Variants in PHF21B observed in about 807,000 individuals in gnomAD.
PHF21B encodes the protein PHD finger protein 4.
In PHF21B, 22 loss-of-function variants were observed where a neutral mutation model predicts 62.2. The ratio of observed to expected loss-of-function variants is 0.35; its 90% CI spans 0.25 to 0.51. PHF21B has a LOEUF of 0.51. Among genes scored for constraint, PHF21B ranks in the 20% least tolerant of loss-of-function variants. The pLI is 0.97. For missense variants in PHF21B, 701 were observed against 707.9 expected (o/e 0.99, Z 0.11); for synonymous variants, 341 against 314.7 (o/e 1.08, Z -0.88).
At chr22:44,982,309 G>C (rs1451777957) in intron 2 of PHF21B, among the ~76,000 whole-genome samples, 1 of 152,250 alleles carries the variant, frequency 6.6e-6, no homozygotes, top group African/African-American at 2.4e-5. Context: ...CTGGGGCAGG[G>C]AGAGAGAAGA....
chr22:45,008,399 A>AG, intron 2 of PHF21B, 146 bp downstream of exon 2: 2 of 643,834 alleles, frequency 3.1e-6, no homozygotes, highest in Non-Finnish European at 2.2e-6. Context: ...AGGAAAGGGG[A>AG]GGGGTGGGGA....
intron 2 of PHF21B, among the ~76,000 whole-genome samples, chr22:44,982,399 G>A (rs2072859377): frequency 1.3e-5 from 2 of 152,204 alleles, no homozygotes; most frequent in Non-Finnish European, 2.9e-5. Flanking sequence ...ACCCTGGGGA[G>A]CTGGCACTAC....
intron 2 of PHF21B, among the ~76,000 whole-genome samples, chr22:44,958,379 A>T (rs2072345539): frequency 6.6e-6 from 1 of 151,706 alleles, no homozygotes; most frequent in Admixed American, 6.6e-5. Context: ...TGTGCTGAGA[A>T]CTCCGAGAGC....
chr22:44,984,212 TCACCACCACCATCAC>T (rs2072904274), intron 2 of PHF21B, among the ~76,000 whole-genome samples: 3 of 18,388 alleles, frequency 1.6e-4, no homozygotes, highest in African/African-American at 3.8e-4. Flanking sequence ...ACCACCATCA[TCACCACCACCATCAC>T]CATCACCACC....
chr22:44,933,331 G>A (rs993026683), intron 2 of PHF21B: 4 of 443,486 alleles, frequency 9.0e-6, no homozygotes, highest in South Asian at 1.9e-4. Context: ...GGCTGGTCTC[G>A]AACTCCCGCC....
chr22:44,918,532 C>T (rs5766186), intron 3 of PHF21B, among the ~76,000 whole-genome samples: 32,617 of 152,194 alleles, frequency 0.21, 4,148 homozygotes, highest in East Asian at 0.65. Flanking sequence ...CCCGGGTCCA[C>T]CCTGTCCCCA....
intron 5 of PHF21B, among the ~76,000 whole-genome samples, chr22:44,908,710 C>T (rs1190892830): frequency 6.6e-6 from 1 of 152,190 alleles, no homozygotes; most frequent in South Asian, 2.1e-4. Context: ...TACTGCTGTC[C>T]GGTTTCTAGG....
intron 2 of PHF21B, among the ~76,000 whole-genome samples, chr22:44,972,508 C>T (rs1444122091): frequency 1.3e-5 from 2 of 152,088 alleles, no homozygotes; most frequent in South Asian, 2.1e-4. Flanking sequence ...ATGAGGAAGC[C>T]GGAAACCGAG....
chr22:44,916,772 G>A lies in PHF21B; in HGVS notation c.214-142C>T, dbSNP rs2071443536. ...GCACAGCGCCTGTCACGGCCTCACA[G>A]CAGGTGAGACCTCGACCCCAATGCC... On this transcript the variant is annotated intron_variant, in intron 3 of 12. Transcript: ENST00000313237. 65 of 799,298 alleles carry A rather than the reference G, an allele frequency of 8.1e-5. 1 individual carries two copies. In the South Asian group the frequency reaches 9.9e-4, roughly 12 times the overall value. 49.5% of individuals were successfully genotyped at this position (799,298 alleles called of 1,614,324 possible). A position where few individuals can be genotyped will look rare whatever the true frequency, so the allele number is the denominator to read the frequency against.
intron 2 of PHF21B, among the ~76,000 whole-genome samples, chr22:45,004,125 T>C (rs2073270250): frequency 6.6e-6 from 1 of 152,156 alleles, no homozygotes; most frequent in Admixed American, 6.5e-5. Flanking sequence ...GGGTTTCTTT[T>C]ATAGGCGACA....
intron 5 of PHF21B, among the ~76,000 whole-genome samples, chr22:44,908,255 G>A (rs938013470): frequency 2.0e-5 from 3 of 152,136 alleles, no homozygotes; most frequent in African/African-American, 7.2e-5. Flanking sequence ...CACCTCTGAG[G>A]ATCAGTGCCT....
intron 5 of PHF21B, among the ~76,000 whole-genome samples, chr22:44,901,205 T>C (rs2147273109): frequency 6.6e-6 from 1 of 152,306 alleles, no homozygotes; most frequent in Middle Eastern, 3.4e-3. Context: ...GGACCCTGTG[T>C]CTAACTAACT....
chr22:44,907,419 T>C (rs1366484283), intron 5 of PHF21B, among the ~76,000 whole-genome samples: 3 of 152,192 alleles, frequency 2.0e-5, no homozygotes, highest in Non-Finnish European at 2.9e-5. Context: ...TCTGTGTGCT[T>C]GTGTGGGGTG....
intron 2 of PHF21B, among the ~76,000 whole-genome samples, chr22:44,937,836 C>T (rs940104767): frequency 2.0e-5 from 3 of 152,342 alleles, no homozygotes; most frequent in Non-Finnish European, 2.9e-5. Flanking sequence ...ACACAAAGGC[C>T]GCAGGCCTCC....
rs114948563 is a variant in PHF21B at position 44,902,011 on chromosome 22, C to T, written c.832-5928G>A. On this transcript the variant is annotated intron_variant, in intron 5 of 12. Transcript: ENST00000313237. ...AGAAAATTGTAAGCCAGCATCACCC[C>T]TGGGACCTTCTGATCATCCTCACTG... 1.6e-3 allele frequency: 376 copies of T among 229,700 alleles called. 1 individual carries two copies. Among genetic ancestry groups the T allele is most frequent in the African/African-American group, 8.3e-3 (356 of 43,030 alleles). 14.2% of individuals were successfully genotyped at this position (229,700 alleles called of 1,614,324 possible). A position where few individuals can be genotyped will look rare whatever the true frequency, so the allele number is the denominator to read the frequency against.
Position 45,009,858 on chromosome 22 carries a change from C to G in PHF21B, c.-309G>C, listed in dbSNP as rs1449769596. 1 of 146,474 alleles carries G rather than the reference C, an allele frequency of 6.8e-6. No individual in the cohort carries two copies. The highest frequency in any genetic ancestry group is 1.5e-5 in the Non-Finnish European group (1 of 65,602). The allele number at this position is 146,474 out of a possible 1,614,324, so 9.1% of individuals were successfully genotyped here. On this transcript the variant is annotated 5_prime_UTR_variant, in exon 1 of 13. Transcript: ENST00000313237. The surrounding 1 kb of genome is among the most constrained non-coding windows in gnomAD (Gnocchi z 5.9). ...CCCGGCGCCGGGAGCCCCGCGCAGCCCCGCGCGCGCCCGCCCAGCCGCCGC... is the reference window on the plus strand; with the variant it reads ...CCCGGCGCCGGGAGCCCCGCGCAGCGCCGCGCGCGCCCGCCCAGCCGCCGC...
At position 45,009,698 on chromosome 22, in the gene PHF21B, G is replaced by GGAAGGGGGCTGGC. The variant is rs2073390137; in HGVS notation, c.-162_-150dup. On this transcript the variant is annotated 5_prime_UTR_variant, in exon 1 of 13. Transcript: ENST00000313237. The surrounding 1 kb of genome is among the most constrained non-coding windows in gnomAD (Gnocchi z 5.9). ...GAGCCCCCTCCCCCACGGCCGAAAG[G>GGAAGGGGGCTGGC]GAAGGGGGCTGGCGAAGGGGAAGAC... 2.9e-6 allele frequency: 2 copies of GGAAGGGGGCTGGC among 692,732 alleles called. No individual in the cohort carries two copies. The highest frequency in any genetic ancestry group is 8.4e-5 in the Admixed American group (2 of 23,716). 42.9% of individuals were successfully genotyped at this position (692,732 alleles called of 1,614,324 possible). A position where few individuals can be genotyped will look rare whatever the true frequency, so the allele number is the denominator to read the frequency against.
At chr22:44,938,365 C>G (rs1378471200) in intron 2 of PHF21B, among the ~76,000 whole-genome samples, 1 of 152,252 alleles carries the variant, frequency 6.6e-6, no homozygotes, top group Non-Finnish European at 1.5e-5. Flanking sequence ...TCCAGAGTAG[C>G]TGGGATTACA....
At chr22:44,947,750 C>T (rs750187648) in intron 2 of PHF21B, among the ~76,000 whole-genome samples, 1 of 152,218 alleles carries the variant, frequency 6.6e-6, no homozygotes, top group South Asian at 2.1e-4. Flanking sequence ...AAGCACAGGG[C>T]TGATGACCAG....
Sources: allele counts gnomAD v4.1 joint callset (sites outside exome capture counted in the v4.1 genomes callset), GRCh38; gene constraint gnomAD v4.1.1; non-coding constraint Gnocchi (gnomAD v3.1); transcripts MANE v1.5; gene names NCBI Gene and HGNC (gene_info 2026-07-23, HGNC 2026-07-21).